NKAIN3: variants seen among roughly 807,000 people sequenced by gnomAD.
NKAIN3 encodes the protein sodium/potassium-transporting ATPase subunit beta-1-interacting protein 3.
A neutral mutation model predicts 30.2 loss-of-function variants in NKAIN3; 25 were observed. The observed-to-expected ratio is 0.83, with a 90% CI of 0.60 to 1.16. NKAIN3 has a LOEUF of 1.16. Ranked by LOEUF, NKAIN3 falls within the 50% of genes most tolerant of loss-of-function variation. The pLI, the probability that NKAIN3 is intolerant of heterozygous loss-of-function variation, is 0.00. For synonymous variants in NKAIN3, 91 were observed against 89.6 expected (o/e 1.02, Z -0.09); for missense variants, 225 against 254.1 (o/e 0.89, Z 0.78).
intron 4 of NKAIN3, among the ~76,000 whole-genome samples, chr8:62,777,172 G>A (rs1817218818): frequency 6.6e-6 from 1 of 152,062 alleles, no homozygotes; most frequent in Non-Finnish European, 1.5e-5. Context: ...AGTTTGAGGA[G>A]CCTTCTTTAG....
At chr8:62,293,172 C>T (rs141531758) in intron 1 of NKAIN3, among the ~76,000 whole-genome samples, 258 of 152,104 alleles carry the variant, frequency 1.7e-3, no homozygotes, top group East Asian at 0.01. Context: ...TCGATGGGTT[C>T]GAATATCCTC....
chr8:62,734,024 G>A (rs1474933611), intron 3 of NKAIN3, among the ~76,000 whole-genome samples: 1 of 152,160 alleles, frequency 6.6e-6, no homozygotes, highest in Non-Finnish European at 1.5e-5. Context: ...GTTCACACCT[G>A]TAATCCCATC....
Position 62,977,534 on chromosome 8 carries a change from T to A in NKAIN3, c.*12127T>A, listed in dbSNP as rs886347540. On this transcript the variant is annotated 3_prime_UTR_variant, in exon 7 of 7. Coordinates refer to ENST00000623646, the MANE Select transcript of NKAIN3 (RefSeq NM_001304533.3). ...TCATGAAGTTCTCGTGCTGTGTTTTTCAGCTCCATCAGGTCATTTGTGTTC... is the reference window on the plus strand; with the variant it reads ...TCATGAAGTTCTCGTGCTGTGTTTTACAGCTCCATCAGGTCATTTGTGTTC... 2.6e-5 allele frequency among the ~76,000 whole-genome samples: 4 copies of A among 152,064 alleles called. No individual in the cohort carries two copies. The highest frequency in any genetic ancestry group is 9.7e-5 in the African/African-American group (4 of 41,418).
chr8:62,830,826 C>T (rs1156881117), intron 4 of NKAIN3, among the ~76,000 whole-genome samples: 3 of 152,288 alleles, frequency 2.0e-5, no homozygotes, highest in Non-Finnish European at 2.9e-5. Flanking sequence ...CCTAGACACA[C>T]GTCTCAGTGC....
intron 5 of NKAIN3, among the ~76,000 whole-genome samples, chr8:62,928,897 G>C (rs10808728): frequency 0.78 from 118,632 of 152,130 alleles, 47,115 homozygotes; most frequent in East Asian, 0.97. Flanking sequence ...AGGTTCCCTC[G>C]CAGACAGGGA....
chr8:62,660,285 A>G (rs1343596327), intron 3 of NKAIN3, among the ~76,000 whole-genome samples: 3 of 152,224 alleles, frequency 2.0e-5, no homozygotes, highest in African/African-American at 7.2e-5. Flanking sequence ...TCTTTTGGTC[A>G]TACCTTACAA....
chr8:62,473,307 T>C (rs567929523), intron 1 of NKAIN3: 4 of 152,314 alleles, frequency 2.6e-5, no homozygotes, highest in African/African-American at 9.6e-5. Context: ...ATTTGTCAAT[T>C]TTTACACGAT....
chr8:62,728,215 A>G (rs935822406), intron 3 of NKAIN3, among the ~76,000 whole-genome samples: 2 of 152,212 alleles, frequency 1.3e-5, no homozygotes, highest in Non-Finnish European at 2.9e-5. Context: ...CTAGATCATC[A>G]GAGAAAGTCT....
intron 4 of NKAIN3, among the ~76,000 whole-genome samples, chr8:62,872,208 C>T (rs1036251213): frequency 1.3e-5 from 2 of 152,174 alleles, no homozygotes; most frequent in African/African-American, 2.4e-5. Context: ...TTCATGTTGC[C>T]TACACAGCGA....
chr8:62,339,886 A>G (rs1253226187), intron 1 of NKAIN3, among the ~76,000 whole-genome samples: 1 of 152,082 alleles, frequency 6.6e-6, no homozygotes, highest in African/African-American at 2.4e-5. Flanking sequence ...TTTATTCAGG[A>G]CTATTGTGAT....
intron 3 of NKAIN3, among the ~76,000 whole-genome samples, chr8:62,665,900 C>T (rs73264859): frequency 0.13 from 19,778 of 152,042 alleles, 1,446 homozygotes; most frequent in East Asian, 0.32. Flanking sequence ...TGATTTTCTA[C>T]GGAAATTATG....
At position 62,978,910 on chromosome 8, in the gene NKAIN3, CCGG is replaced by C. The variant is rs1824012015; in HGVS notation, c.*13504_*13506del. On this transcript the variant is annotated 3_prime_UTR_variant, in exon 7 of 7. Coordinates refer to ENST00000623646, the MANE Select transcript of NKAIN3 (RefSeq NM_001304533.3). ...CCATGGGAAAAGCGTAGTATCTGGA[CCGG>C]AGTGCACCCCCACTCACGGCATGGT... 6.5e-6 allele frequency: 1 copy of C among 153,712 alleles called. No individual in the cohort carries two copies. The highest frequency in any genetic ancestry group is 2.4e-5 in the African/African-American group (1 of 41,480). 9.5% of individuals were successfully genotyped at this position (153,712 alleles called of 1,614,324 possible).
chr8:62,466,867 A>G (rs1366192321), intron 1 of NKAIN3, among the ~76,000 whole-genome samples: 1 of 152,194 alleles, frequency 6.6e-6, no homozygotes. Flanking sequence ...AGAGTTAAAT[A>G]AATTGAAAAG....
At chr8:62,744,613 C>A (rs1450409272) in intron 3 of NKAIN3, among the ~76,000 whole-genome samples, 1 of 152,108 alleles carries the variant, frequency 6.6e-6, no homozygotes, top group Non-Finnish European at 1.5e-5. Context: ...ATGTATAGTT[C>A]TTCTGTAATG....
At chr8:62,284,954 G>C (rs1813329518) in intron 1 of NKAIN3, among the ~76,000 whole-genome samples, 2 of 152,134 alleles carry the variant, frequency 1.3e-5, no homozygotes, top group Admixed American at 1.3e-4. Flanking sequence ...TTAGTTTTTA[G>C]ATTCTCTTTA....
Position 62,876,262 on chromosome 8 carries a change from G to C in NKAIN3, c.472-42191G>C, listed in dbSNP as rs146683135. On this transcript the variant is annotated intron_variant, in intron 4 of 6. Coordinates refer to ENST00000623646, the MANE Select transcript of NKAIN3 (RefSeq NM_001304533.3). ...GATCAGCAAATCAAAACCACAGTGA[G>C]TCACCATCTCACACCAGTCAGAATG... Among the ~76,000 whole-genome samples, 4 of 152,264 alleles carry C rather than the reference G, an allele frequency of 2.6e-5. No individual in the cohort carries two copies. In the East Asian group the frequency reaches 7.7e-4, roughly 29 times the overall value.
chr8:62,473,845 C>G (rs1806431867), intron 1 of NKAIN3: 2 of 152,254 alleles, frequency 1.3e-5, no homozygotes, highest in South Asian at 4.1e-4. Flanking sequence ...AATAAATATA[C>G]AAAATGCTCA....
chr8:62,638,448 G>A (rs1324012754), intron 3 of NKAIN3, among the ~76,000 whole-genome samples: 1 of 152,060 alleles, frequency 6.6e-6, no homozygotes, highest in African/African-American at 2.4e-5. Context: ...GACAGGATAT[G>A]GTATGTATCA....
intron 1 of NKAIN3, among the ~76,000 whole-genome samples, chr8:62,285,888 G>A (rs553725278): frequency 9.9e-5 from 15 of 152,214 alleles, no homozygotes; most frequent in African/African-American, 3.6e-4. Flanking sequence ...ATGCTGAATT[G>A]GATGCAGCTA....
Sources: gnomAD v4.1 joint callset for allele counts (sites outside exome capture counted in the v4.1 genomes callset) on GRCh38, gnomAD v4.1.1 for gene constraint, MANE v1.5 for transcripts, NCBI Gene and HGNC (gene_info 2026-07-23, HGNC 2026-07-21) for gene names.